NBEA: variants seen among roughly 807,000 people sequenced by gnomAD.
The protein encoded by NBEA is lysosomal-trafficking regulator 2.
Under a neutral mutation model 343.4 loss-of-function variants are expected in NBEA, and 44 were observed. The ratio of observed to expected loss-of-function variants is 0.13; its 90% confidence interval spans 0.10 to 0.16. The LOEUF (loss-of-function observed/expected upper bound fraction) is 0.16. Among genes scored for constraint, NBEA ranks in the 10% least tolerant of loss-of-function variants. The pLI, the probability that NBEA is intolerant of heterozygous loss-of-function variation, is 1.00. For synonymous variants in NBEA, 1,175 were observed against 1,238.7 expected, an observed-to-expected ratio of 0.95 and a Z score of 1.08; for missense variants, 2,555 against 3,631.3, an observed-to-expected ratio of 0.70 and a Z score of 7.62.
At chr13:34,948,256 G>A (rs929779663) in intron 1 of NBEA, among the ~76,000 whole-genome samples, 1 of 152,122 alleles carries the variant, frequency 6.6e-6, no homozygotes, top group Non-Finnish European at 1.5e-5. Context: ...CTGCCTTGAG[G>A]GTCAGACATC....
chr13:35,669,609 T>C (rs1489564526), intron 58 of NBEA, among the ~76,000 whole-genome samples: 1 of 152,172 alleles, frequency 6.6e-6, no homozygotes, highest in Non-Finnish European at 1.5e-5. Flanking sequence ...ATGGGAATGG[T>C]TTGTTGTGTT....
intron 33 of NBEA, among the ~76,000 whole-genome samples, chr13:35,219,115 A>G (rs376249752): frequency 1.1e-4 from 17 of 152,028 alleles, no homozygotes; most frequent in African/African-American, 3.6e-4. Context: ...TTTAACATTC[A>G]TATAATCTGT....
intron 49 of NBEA, among the ~76,000 whole-genome samples, chr13:35,638,674 A>T (rs1258546164): frequency 6.6e-6 from 1 of 152,218 alleles, no homozygotes; most frequent in Admixed American, 6.5e-5. Context: ...TAAGGCTTCC[A>T]GGCTTGCTCA....
At chr13:35,179,573 C>T (rs2071164408) in intron 28 of NBEA, 1 of 154,166 alleles carries the variant, frequency 6.5e-6, no homozygotes, top group Non-Finnish European at 1.4e-5. Flanking sequence ...AAAGCTAACT[C>T]TTTTCATGCC....
intron 41 of NBEA, among the ~76,000 whole-genome samples, chr13:35,483,685 T>C (rs2076204121): frequency 1.3e-5 from 2 of 152,160 alleles, no homozygotes; most frequent in African/African-American, 4.8e-5. Flanking sequence ...ACAAATTATT[T>C]AAATGCTTTC....
At chr13:35,423,749 C>A (rs1443822717) in intron 38 of NBEA, among the ~76,000 whole-genome samples, 3 of 152,094 alleles carry the variant, frequency 2.0e-5, no homozygotes, top group African/African-American at 7.2e-5. Flanking sequence ...GCAGTATGGC[C>A]ATTTTCACGA....
intron 38 of NBEA, among the ~76,000 whole-genome samples, chr13:35,366,812 A>T (rs2041146378): frequency 1.3e-5 from 2 of 151,340 alleles, no homozygotes. Context: ...TCCTCACTAT[A>T]CTATATTCCA....
chr13:34,962,924 A>G (rs561522518), intron 1 of NBEA, among the ~76,000 whole-genome samples: 3 of 152,210 alleles, frequency 2.0e-5, no homozygotes, highest in Non-Finnish European at 2.9e-5. Flanking sequence ...TCTGAATTGA[A>G]TACTAGAACT....
chr13:35,272,227 A>G (rs1156929129), intron 34 of NBEA, among the ~76,000 whole-genome samples: 1 of 152,212 alleles, frequency 6.6e-6, no homozygotes, highest in Non-Finnish European at 1.5e-5. Context: ...AATAATTTTC[A>G]ACCCAGAATC....
At chr13:35,354,819 CA>C (rs2040400872) in intron 38 of NBEA, among the ~76,000 whole-genome samples, 1 of 152,066 alleles carries the variant, frequency 6.6e-6, no homozygotes, top group Admixed American at 6.6e-5. Flanking sequence ...TTGATAACTC[CA>C]AAATTTATTA....
intron 40 of NBEA, among the ~76,000 whole-genome samples, chr13:35,467,050 C>T (rs1383181730): frequency 1.3e-5 from 2 of 152,070 alleles, no homozygotes; most frequent in Admixed American, 6.6e-5. Context: ...CCAAAGCTTT[C>T]CTAGGATTCC....
At chr13:35,044,459 A>C (rs1231498362) in intron 2 of NBEA, among the ~76,000 whole-genome samples, 1 of 152,198 alleles carries the variant, frequency 6.6e-6, no homozygotes, top group African/African-American at 2.4e-5. Flanking sequence ...GAATATACCA[A>C]GAATATATTA....
At chr13:35,629,957 T>G (rs1360130608) in intron 49 of NBEA, among the ~76,000 whole-genome samples, 1 of 152,208 alleles carries the variant, frequency 6.6e-6, no homozygotes, top group Admixed American at 6.5e-5. Context: ...GGATATTTTG[T>G]TATACATTTT....
At chr13:35,446,771 A>G (rs1023978094) in intron 39 of NBEA, among the ~76,000 whole-genome samples, 1 of 152,094 alleles carries the variant, frequency 6.6e-6, no homozygotes. Context: ...GTATTATTCC[A>G]TTGTTGATAT....
chr13:35,541,595 A>G (rs1487649736), intron 41 of NBEA, among the ~76,000 whole-genome samples: 1 of 152,112 alleles, frequency 6.6e-6, no homozygotes. Context: ...AATGTCTAGG[A>G]TACAAACTAC....
At chr13:35,299,884 C>G (rs756560297) in intron 35 of NBEA, among the ~76,000 whole-genome samples, 1 of 152,036 alleles carries the variant, frequency 6.6e-6, no homozygotes. Context: ...ATCTGTGTGC[C>G]TTGTTTTAAG....
At chr13:35,265,404 A>G (rs2033589331) in intron 34 of NBEA, among the ~76,000 whole-genome samples, 1 of 151,844 alleles carries the variant, frequency 6.6e-6, no homozygotes, top group Non-Finnish European at 1.5e-5. Context: ...AAGACCCCAA[A>G]TAGCCAAAGT....
At chr13:35,023,700 G>A (rs116929153) in intron 1 of NBEA, among the ~76,000 whole-genome samples, 22 of 152,298 alleles carry the variant, frequency 1.4e-4, no homozygotes, top group Non-Finnish European at 2.6e-4. Flanking sequence ...ATAGAATAAT[G>A]CAGTGGTCAC....
At chr13:35,407,540 A>G (rs1415862652) in intron 38 of NBEA, among the ~76,000 whole-genome samples, 1 of 151,500 alleles carries the variant, frequency 6.6e-6, no homozygotes, top group Non-Finnish European at 1.5e-5. Flanking sequence ...AAAGGCTGTA[A>G]GCCTCTGATA....
Sources: gnomAD v4.1 joint callset for allele counts (sites outside exome capture counted in the v4.1 genomes callset) on GRCh38, gnomAD v4.1.1 for gene constraint, MANE v1.5 for transcripts, NCBI Gene and HGNC (gene_info 2026-07-23, HGNC 2026-07-21) for gene names.